PLEKHA1: variants seen among roughly 807,000 people sequenced by gnomAD.
PLEKHA1 encodes pleckstrin homology domain containing A1.
Under a neutral mutation model 52.0 loss-of-function variants are expected in PLEKHA1, and 34 were observed. That is an observed-to-expected ratio of 0.65 (90% CI 0.50 to 0.87). PLEKHA1 has a LOEUF of 0.87. Ranked by LOEUF, PLEKHA1 falls within the 40% of genes least tolerant of loss-of-function variation. PLEKHA1 has a pLI of 0.00. For missense variants in PLEKHA1, 497 were observed against 504.2 expected (o/e 0.99, Z 0.14); for synonymous variants, 163 against 170.7 (o/e 0.95, Z 0.35).
At chr10:122,442,588 G>A in the PLEKHA1 span, 1 of 152,082 alleles carries the variant, frequency 6.6e-6, no homozygotes, top group Non-Finnish European at 1.5e-5. Context: ...AACAATAAAA[G>A]CAAAAATCAC....
At chr10:122,394,769 CT>C (rs1476731511) in intron 2 of PLEKHA1, among the ~76,000 whole-genome samples, 1 of 152,140 alleles carries the variant, frequency 6.6e-6, no homozygotes, top group African/African-American at 2.4e-5. Flanking sequence ...TTTTCTCTCC[CT>C]GATTTTTCTC....
At chr10:122,428,396 T>TA in intron 11 of PLEKHA1, 1 of 1,529,904 alleles carries the variant, frequency 6.5e-7, no homozygotes, top group South Asian at 1.2e-5. Context: ...GGCCCAGACT[T>TA]ACTACTTACA....
chr10:122,415,218 T>C (rs959497746), intron 6 of PLEKHA1, among the ~76,000 whole-genome samples: 6 of 152,200 alleles, frequency 3.9e-5, no homozygotes, highest in African/African-American at 1.4e-4. Flanking sequence ...GATAACCTTC[T>C]GTATGCTTCC....
At chr10:122,382,771 TAAC>T (rs1265811694) in intron 1 of PLEKHA1, among the ~76,000 whole-genome samples, 3 of 152,232 alleles carry the variant, frequency 2.0e-5, no homozygotes, top group African/African-American at 7.2e-5. Flanking sequence ...TGGTTCCTAA[TAAC>T]AAATAAATGT....
rs781683861 is a variant in PLEKHA1, at chr10:122,424,904, T to C, written c.755T>C (p.Met252Thr). ...ATTTTTTTTTCATACAGCGACATAATGATGAGGGACAACCTCTTTGAAATT... is the reference window on the plus strand; with the variant it reads ...ATTTTTTTTTCATACAGCGACATAACGATGAGGGACAACCTCTTTGAAATT... ...KVQECKQSDI[M>T]MRDNLFEIVT... Residue 252 changes from methionine (M) to threonine (T), a missense_variant, in exon 10 of 12, where the codon ATG becomes ACG. By Grantham distance (81) the Met-to-Thr change is moderately conservative (BLOSUM62 -1). Coordinates refer to ENST00000368990, the MANE Select transcript of PLEKHA1 (RefSeq NM_001001974.4). 6.2e-7 allele frequency: 1 copy of C among 1,609,638 alleles called. No individual in the cohort carries two copies. The highest frequency in any genetic ancestry group is 8.5e-7 in the Non-Finnish European group (1 of 1,178,150).
At chr10:122,428,669 TCTA>T (rs2097375359) in intron 11 of PLEKHA1, among the ~76,000 whole-genome samples, 1 of 152,212 alleles carries the variant, frequency 6.6e-6, no homozygotes, top group South Asian at 2.1e-4. Context: ...GCACCATTGT[TCTA>T]ATAATATATG....
intron 10 of PLEKHA1, chr10:122,425,182 T>G: frequency 2.8e-6 from 1 of 358,274 alleles, no homozygotes; most frequent in Non-Finnish European, 5.0e-6. Flanking sequence ...AACTAAGTAT[T>G]TAGAGAAAGG....
intron 5 of PLEKHA1, among the ~76,000 whole-genome samples, chr10:122,407,204 A>G (rs2097030609): frequency 6.6e-6 from 1 of 152,140 alleles, no homozygotes; most frequent in African/African-American, 2.4e-5. Context: ...ACCCTTGAGA[A>G]GTTTGTCTCA....
At chr10:122,409,527 G>A (rs2097076145) in intron 5 of PLEKHA1, among the ~76,000 whole-genome samples, 1 of 152,104 alleles carries the variant, frequency 6.6e-6, no homozygotes, top group South Asian at 2.1e-4. Context: ...GATATATATG[G>A]TTTATTCCTG....
intron 2 of PLEKHA1, among the ~76,000 whole-genome samples, chr10:122,394,466 G>A (rs1278396097): frequency 6.6e-6 from 1 of 152,120 alleles, no homozygotes; most frequent in Non-Finnish European, 1.5e-5. Flanking sequence ...AGCAAGGGAT[G>A]AATCTCTAGC....
intron 11 of PLEKHA1, chr10:122,428,190 A>G: frequency 7.8e-7 from 1 of 1,288,864 alleles, no homozygotes; most frequent in Non-Finnish European, 1.0e-6. Context: ...TGGACTATCT[A>G]GCTATGACTG....
At position 122,427,009 on chromosome 10, in the gene PLEKHA1, G is replaced by A; in HGVS notation, c.878G>A (p.Gly293Asp). 6.2e-7 allele frequency: 1 copy of A among 1,613,940 alleles called. No individual in the cohort carries two copies. The highest frequency in any genetic ancestry group is 2.2e-5 in the East Asian group (1 of 44,876). Residue 293 changes from glycine to aspartate, a missense_variant, in exon 11 of 12, where the codon GGT (glycine) becomes GAT (aspartate). Coordinates refer to ENST00000368990, the MANE Select transcript of PLEKHA1 (RefSeq NM_001001974.4). Reference sequence around the variant, plus strand: ...TCTGGCGCCATTGTAGCACAGCGGGGTCCCGGCAGATCTGCGTCTTCTGTA... The same window carrying A: ...TCTGGCGCCATTGTAGCACAGCGGGATCCCGGCAGATCTGCGTCTTCTGTA... ...AVSGAIVAQRGPGRSASSEHP... is the reference protein window; with the variant it reads ...AVSGAIVAQRDPGRSASSEHP...
chr10:122,412,838 G>C, intron 5 of PLEKHA1, 82 bp from the exon 6 acceptor site: 1 of 1,481,042 alleles, frequency 6.8e-7, no homozygotes, highest in Non-Finnish European at 9.3e-7. Flanking sequence ...GCAAACGGAT[G>C]AATAATTAGA....
intron 4 of PLEKHA1, among the ~76,000 whole-genome samples, chr10:122,403,709 C>G (rs1370428404): frequency 6.8e-6 from 1 of 146,312 alleles, no homozygotes; most frequent in Non-Finnish European, 1.5e-5. Flanking sequence ...CTTTTTTTTT[C>G]TTTTGAGATG....
At chr10:122,395,320 T>C (rs973795089) in intron 2 of PLEKHA1, among the ~76,000 whole-genome samples, 11 of 152,186 alleles carry the variant, frequency 7.2e-5, no homozygotes, top group African/African-American at 1.9e-4. Flanking sequence ...TTTGTTCTTA[T>C]TAATTTTATA....
intron 6 of PLEKHA1, among the ~76,000 whole-genome samples, chr10:122,413,762 G>A (rs1334108450): frequency 6.6e-6 from 1 of 152,058 alleles, no homozygotes; most frequent in Non-Finnish European, 1.5e-5. Flanking sequence ...GGATGAATTT[G>A]TAATGGATAT....
Position 122,393,504 on chromosome 10 carries a change from G to A in PLEKHA1, c.141+163G>A, listed in dbSNP as rs1331610082. On this transcript the variant is annotated intron_variant, in intron 2 of 11. Transcript: ENST00000368990. This position sits in a 1 kb window ranked among gnomAD's most constrained non-coding sequence, Gnocchi z 4.5. ...CTGCACCCCTGACCTCTACTGTTTT[G>A]TTTGAATTTCAGAAGGTGAAACTAA... 6.6e-6 allele frequency among the ~76,000 whole-genome samples: 1 copy of A among 151,998 alleles called. No homozygotes were observed. Among genetic ancestry groups the A allele is most frequent in the Admixed American group, 6.6e-5 (1 of 15,266 alleles).
intron 6 of PLEKHA1, 102 bp from the exon 7 acceptor site, chr10:122,415,757 G>A (rs4751892): frequency 0.81 from 900,169 of 1,107,052 alleles, 359,399 homozygotes; most frequent in African/African-American, 0.95. Flanking sequence ...ATCTGTTTCT[G>A]ACTAATCTAA....
At chr10:122,374,982 C>G (rs368755703) in intron 1 of PLEKHA1, 176 bp downstream of exon 1, 2 of 151,906 alleles carry the variant, frequency 1.3e-5, no homozygotes, top group Admixed American at 6.6e-5. Context: ...AGCCGGCGCC[C>G]CCTCTGCGCA....
Sources: allele counts gnomAD v4.1 joint callset (sites outside exome capture counted in the v4.1 genomes callset), GRCh38; gene constraint gnomAD v4.1.1; non-coding constraint Gnocchi (gnomAD v3.1); transcripts MANE v1.5; gene names NCBI Gene and HGNC (gene_info 2026-07-23, HGNC 2026-07-21).